MDGA2: variants seen among roughly 807,000 people sequenced by gnomAD.
MDGA2 encodes the protein MAM domain-containing glycosylphosphatidylinositol anchor protein 2.
Under a neutral mutation model 117.8 loss-of-function variants are expected in MDGA2, and 40 were observed. The ratio of observed to expected loss-of-function variants is 0.34; its 90% confidence interval spans 0.26 to 0.44. The LOEUF (loss-of-function observed/expected upper bound fraction) is 0.44, where lower values mean the gene tolerates loss of function less well. MDGA2 is among the 20% of genes least tolerant of loss of function. MDGA2 has a pLI of 1.00. For synonymous variants in MDGA2, 452 were observed against 439.0 expected (o/e 1.03, Z -0.37); for missense variants, 1,123 against 1,250.6 (o/e 0.90, Z 1.54).
At chr14:47,207,141 C>T (rs2139464206) in intron 3 of MDGA2, among the ~76,000 whole-genome samples, 1 of 151,876 alleles carries the variant, frequency 6.6e-6, no homozygotes, top group East Asian at 1.9e-4. Flanking sequence ...AAGGTGACCT[C>T]TACTCTGTAG....
At chr14:47,650,063 G>GGGT (rs1239988303) in intron 1 of MDGA2, among the ~76,000 whole-genome samples, 2 of 152,114 alleles carry the variant, frequency 1.3e-5, no homozygotes, top group African/African-American at 4.8e-5. Flanking sequence ...TCTCTAATGT[G>GGGT]GGTGGGCCTC....
chr14:47,215,622 A>G (rs1886058268), intron 3 of MDGA2, among the ~76,000 whole-genome samples: 1 of 152,172 alleles, frequency 6.6e-6, no homozygotes, highest in Non-Finnish European at 1.5e-5. Context: ...GCCATCAAAA[A>G]TAGGAATAAC....
At chr14:47,269,483 G>T (rs1284093026) in intron 2 of MDGA2, among the ~76,000 whole-genome samples, 3 of 152,096 alleles carry the variant, frequency 2.0e-5, no homozygotes, top group African/African-American at 7.2e-5. Flanking sequence ...ATTAATCAAA[G>T]AAGCAGTAGT....
At chr14:47,063,634 TA>T (rs1889974461) in intron 6 of MDGA2, among the ~76,000 whole-genome samples, 4 of 152,070 alleles carry the variant, frequency 2.6e-5, no homozygotes. Context: ...CATTTACTTT[TA>T]TTAGCACCAT....
rs1401547085 is a variant in MDGA2 at position 47,129,595 on chromosome 14, G to A, written c.925+2119C>T. Among the ~76,000 whole-genome samples, 3 of 149,100 alleles carry A rather than the reference G, an allele frequency of 2.0e-5. No individual in the cohort carries two copies. In the East Asian group the frequency reaches 5.9e-4, roughly 29 times the overall value. On this transcript the variant is annotated intron_variant, in intron 5 of 16. Coordinates refer to ENST00000399232, the MANE Select transcript of MDGA2 (RefSeq NM_001113498.3). ...ATAGCAGCATGATTTATAGTCCTTT[G>A]GGTATATACCCAGTAATGGGATGGC...
chr14:47,339,790 T>C (rs1043636786), intron 1 of MDGA2, among the ~76,000 whole-genome samples: 6 of 152,130 alleles, frequency 3.9e-5, no homozygotes, highest in African/African-American at 1.4e-4. Context: ...GATTCCTGTA[T>C]AGCAACACAA....
intron 10 of MDGA2, among the ~76,000 whole-genome samples, chr14:46,901,841 C>T (rs959233725): frequency 3.9e-5 from 6 of 152,162 alleles, no homozygotes; most frequent in African/African-American, 1.4e-4. Context: ...GCAGTCTTAA[C>T]TGAGAGCTAT....
At chr14:46,994,718 G>A (rs1040591399) in intron 8 of MDGA2, among the ~76,000 whole-genome samples, 3 of 152,074 alleles carry the variant, frequency 2.0e-5, no homozygotes, top group Non-Finnish European at 4.4e-5. Flanking sequence ...AAGTGTTGAT[G>A]CAAAACAGCC....
intron 2 of MDGA2, among the ~76,000 whole-genome samples, chr14:47,268,255 A>C (rs1281695761): frequency 6.6e-6 from 1 of 151,810 alleles, no homozygotes; most frequent in Non-Finnish European, 1.5e-5. Context: ...TTGTATTTTT[A>C]GTAGAGACGG....
chr14:47,421,178 T>A (rs8016913), intron 1 of MDGA2, among the ~76,000 whole-genome samples: 61,080 of 151,968 alleles, frequency 0.4, 12,398 homozygotes, highest in South Asian at 0.57. Context: ...TCTGGAGAAT[T>A]TCACTCTGGG....
intron 1 of MDGA2, among the ~76,000 whole-genome samples, chr14:47,433,735 G>A (rs1226393394): frequency 1.3e-5 from 2 of 152,112 alleles, no homozygotes; most frequent in Non-Finnish European, 2.9e-5. Flanking sequence ...TAAGCACACT[G>A]AGAAAAATGA....
At chr14:47,084,669 G>C (rs1345226812) in intron 6 of MDGA2, among the ~76,000 whole-genome samples, 2 of 152,128 alleles carry the variant, frequency 1.3e-5, no homozygotes, top group Non-Finnish European at 2.9e-5. Context: ...GAAGGAATTA[G>C]GATTAGACAA....
In MDGA2 at chr14:46,999,176, G is replaced by A. The variant is rs184893547; in HGVS notation, c.1819+35835C>T. Among the ~76,000 whole-genome samples, 72 of 151,294 alleles carry A rather than the reference G, an allele frequency of 4.8e-4. 2 individuals are homozygous for A. Among genetic ancestry groups the A allele is most frequent in the African/African-American group, 1.6e-3 (67 of 41,298 alleles). On this transcript the variant is annotated intron_variant, in intron 8 of 16. Coordinates refer to ENST00000399232, the MANE Select transcript of MDGA2 (RefSeq NM_001113498.3). ...GATTTAAGTATAAATTGTGGAATCA[G>A]AAGGCAAAAATTCTACTGTTGTCAC... is the stretch of plus-strand genomic sequence containing the variant.
At position 47,307,407 on chromosome 14, in the gene MDGA2, G is replaced by C. The variant is rs183504619; in HGVS notation, c.281-5857C>G. On this transcript the variant is annotated intron_variant, in intron 1 of 16. Coordinates refer to ENST00000399232, the MANE Select transcript of MDGA2 (RefSeq NM_001113498.3). ...ATCAAAAAATTTGACAGGGCCAGCTGTGGTGGCTTATGCCTGTAATCCCAG... is the reference window on the plus strand; with the variant it reads ...ATCAAAAAATTTGACAGGGCCAGCTCTGGTGGCTTATGCCTGTAATCCCAG... Among the ~76,000 whole-genome samples, 3 of 152,280 alleles carry C rather than the reference G, an allele frequency of 2.0e-5. No individual in the cohort carries two copies. The East Asian group carries it at 5.8e-4, about 29-fold the overall frequency.
At chr14:47,361,907 C>T (rs1040797518) in intron 1 of MDGA2, among the ~76,000 whole-genome samples, 2 of 152,176 alleles carry the variant, frequency 1.3e-5, no homozygotes, top group African/African-American at 4.8e-5. Context: ...CTTCTTCATT[C>T]TGTGTTACTA....
In MDGA2 at chr14:46,927,481, TAGC is replaced by T. The variant is rs1225521244; in HGVS notation, c.2090-7324_2090-7322del. ...TATCTTGGAATTAAGATGAATGTCA[TAGC>T]AGCAATAAAACTCAATGTCATTAAT... On this transcript the variant is annotated intron_variant, in intron 9 of 16. Transcript: ENST00000399232. Among the ~76,000 whole-genome samples, 11 of 152,278 alleles carry T rather than the reference TAGC, an allele frequency of 7.2e-5. No individual in the cohort carries two copies. In the East Asian group the frequency reaches 1.5e-3, roughly 21 times the overall value.
intron 1 of MDGA2, among the ~76,000 whole-genome samples, chr14:47,536,665 G>A (rs977547751): frequency 2.0e-5 from 3 of 152,192 alleles, no homozygotes; most frequent in African/African-American, 7.2e-5. Context: ...AGACAATCCA[G>A]AACTACTACT....
At chr14:47,612,416 C>A (rs934034377) in intron 1 of MDGA2, among the ~76,000 whole-genome samples, 1 of 152,062 alleles carries the variant, frequency 6.6e-6, no homozygotes, top group South Asian at 2.1e-4. Flanking sequence ...GTTTCTAATA[C>A]TTCAAAATGT....
At chr14:47,439,904 T>C (rs984774347) in intron 1 of MDGA2, among the ~76,000 whole-genome samples, 1 of 151,980 alleles carries the variant, frequency 6.6e-6, no homozygotes, top group Non-Finnish European at 1.5e-5. Flanking sequence ...TGTTGGTGCA[T>C]GAAGATAATA....
Sources: gnomAD v4.1 joint callset for allele counts (sites outside exome capture counted in the v4.1 genomes callset) on GRCh38, gnomAD v4.1.1 for gene constraint, MANE v1.5 for transcripts, NCBI Gene and HGNC (gene_info 2026-07-23, HGNC 2026-07-21) for gene names.